CASK: variants seen among roughly 807,000 people sequenced by gnomAD.
The protein encoded by CASK is peripheral plasma membrane protein CASK.
CASK carries 4 observed loss-of-function variants against 82.9 expected under a neutral mutation model. The ratio of observed to expected loss-of-function variants is 0.05; its 90% CI spans 0.02 to 0.11. The LOEUF is 0.11. Ranked by LOEUF, CASK falls within the 10% of genes least tolerant of loss-of-function variation. The pLI is 1.00. For synonymous variants in CASK, 259 were observed against 253.5 expected (o/e 1.02, Z -0.20); for missense variants, 358 against 720.9 (o/e 0.50, Z 5.76).
intron 2 of CASK, among the ~76,000 whole-genome samples, chrX:41,849,225 G>A (rs2071213962): frequency 9.0e-6 from 1 of 111,653 alleles, no homozygotes; most frequent in African/African-American, 3.3e-5. Context: ...CAAGAACTCA[G>A]AACTTTGATA....
At chrX:41,580,719 C>G (rs2065562724) in intron 14 of CASK, among the ~76,000 whole-genome samples, 1 of 111,639 alleles carries the variant, frequency 9.0e-6, no homozygotes, top group South Asian at 3.7e-4. Flanking sequence ...TACAGACTAT[C>G]TTTTTAAAAG....
At chrX:41,529,428 GC>G in intron 25 of CASK, 1 of 176,752 alleles carries the variant, frequency 5.7e-6, no homozygotes, top group Non-Finnish European at 1.1e-5. Flanking sequence ...GGCGGCAGCA[GC>G]GGAGGCAGGT....
intron 5 of CASK, among the ~76,000 whole-genome samples, chrX:41,699,037 C>T (rs2067744646): frequency 1.8e-5 from 2 of 110,644 alleles, no homozygotes; most frequent in Non-Finnish European, 3.8e-5. Flanking sequence ...AGTGATTCTC[C>T]TGCTTCAGCC....
intron 1 of CASK, among the ~76,000 whole-genome samples, chrX:41,861,500 A>C (rs917286705): frequency 1.8e-5 from 2 of 110,738 alleles, no homozygotes; most frequent in Admixed American, 2.0e-4. Flanking sequence ...TTGGTTACAC[A>C]CTTTAGGCAA....
intron 5 of CASK, among the ~76,000 whole-genome samples, chrX:41,736,217 G>A (rs1472036489): frequency 1.8e-5 from 2 of 112,075 alleles, no homozygotes; most frequent in Non-Finnish European, 3.8e-5. Context: ...TATCAACACC[G>A]GGCGCGGTGG....
At chrX:41,874,011 G>T (rs372857465) in intron 1 of CASK, among the ~76,000 whole-genome samples, 3 of 109,888 alleles carry the variant, frequency 2.7e-5, no homozygotes, top group Admixed American at 1.9e-4. Flanking sequence ...GGCTGGTTTC[G>T]AACTCCTGAG....
intron 2 of CASK, among the ~76,000 whole-genome samples, chrX:41,846,886 G>T (rs960079959): frequency 1.8e-5 from 2 of 111,820 alleles, no homozygotes; most frequent in Admixed American, 1.9e-4. Flanking sequence ...GTATGGTTTT[G>T]CTGGATAAAG....
At position 41,769,159 on chromosome X, in the gene CASK, TA is replaced by T. The variant is rs1193838066; in HGVS notation, c.278+18018del. On this transcript the variant is annotated intron_variant, in intron 3 of 26. Transcript: ENST00000378163. ...CTCCCATTGAAGACAACTAAATAAG[TA>T]AAAAAAAAAAGTACTTTTTTCTTTT... 1.5e-3 allele frequency among the ~76,000 whole-genome samples: 156 copies of T among 101,149 alleles called. 2 individuals are homozygous for T. Among genetic ancestry groups the T allele is most frequent in the African/African-American group, 4.7e-3 (131 of 28,118 alleles). 87.8% of individuals were successfully genotyped at this position (101,149 alleles called of 115,157 possible). A position where few individuals can be genotyped will look rare whatever the true frequency, so the allele number is the denominator to read the frequency against.
chrX:41,701,302 G>A, intron 5 of CASK, among the ~76,000 whole-genome samples: 1 of 111,813 alleles, frequency 8.9e-6, no homozygotes, highest in African/African-American at 3.2e-5. Context: ...AATAACTATA[G>A]GGAAAAATTC....
At chrX:41,825,412 G>A (rs942739350) in intron 2 of CASK, among the ~76,000 whole-genome samples, 4 of 111,533 alleles carry the variant, frequency 3.6e-5, no homozygotes, top group Non-Finnish European at 7.5e-5. Context: ...TGATTGCCCC[G>A]AATCACAAAA....
At chrX:41,650,041 A>T (rs751444919) in intron 8 of CASK, among the ~76,000 whole-genome samples, 1 of 110,894 alleles carries the variant, frequency 9.0e-6, no homozygotes, top group Non-Finnish European at 1.9e-5. Context: ...TTGTTGGTTT[A>T]AAGTCTGTTT....
At chrX:41,565,673 A>G (rs934817018) in intron 16 of CASK, among the ~76,000 whole-genome samples, 30 of 111,965 alleles carry the variant, frequency 2.7e-4, no homozygotes, top group African/African-American at 9.8e-4. Flanking sequence ...AGGAGCTGGT[A>G]CCATTCCTTC....
At chrX:41,740,774 T>A (rs1227755300) in intron 4 of CASK, among the ~76,000 whole-genome samples, 1 of 112,859 alleles carries the variant, frequency 8.9e-6, no homozygotes, top group African/African-American at 3.2e-5. Context: ...CATGTAATCA[T>A]TAGCTCTGAT....
chrX:41,749,355 A>C (rs940950242), intron 3 of CASK, among the ~76,000 whole-genome samples: 1 of 107,368 alleles, frequency 9.3e-6, no homozygotes, highest in African/African-American at 3.4e-5. Context: ...TGGCAAAAAA[A>C]AATCTCATTA....
At chrX:41,892,162 C>T (rs2072181706) in intron 1 of CASK, among the ~76,000 whole-genome samples, 1 of 109,661 alleles carries the variant, frequency 9.1e-6, no homozygotes, top group African/African-American at 3.3e-5. Context: ...CACTGCACTC[C>T]AGCCTGGGTG....
intron 20 of CASK, among the ~76,000 whole-genome samples, chrX:41,554,390 T>G (rs981458542): frequency 4.5e-5 from 5 of 112,070 alleles, no homozygotes; most frequent in Non-Finnish European, 7.5e-5. Flanking sequence ...GTTGGTATCT[T>G]GCTGTAGAAT....
At chrX:41,815,891 GGCACTGTT>G (rs2070401810) in intron 2 of CASK, among the ~76,000 whole-genome samples, 2 of 111,550 alleles carry the variant, frequency 1.8e-5, no homozygotes, top group Admixed American at 1.9e-4. Flanking sequence ...GACAGGATCT[GGCACTGTT>G]GCCCAGTATG....
intron 25 of CASK, chrX:41,529,632 G>A (rs1602217279): frequency 8.8e-6 from 1 of 113,848 alleles, no homozygotes; most frequent in South Asian, 3.6e-4. Flanking sequence ...CCCCTGGCCA[G>A]AAGATTTTTC....
At chrX:41,589,902 C>G in intron 12 of CASK, 1 of 272,997 alleles carries the variant, frequency 3.7e-6, no homozygotes, top group Non-Finnish European at 6.6e-6. Context: ...CTGACAGAAG[C>G]AACTTTCAAT....
Sources: gnomAD v4.1 joint callset for allele counts (sites outside exome capture counted in the v4.1 genomes callset) on GRCh38, gnomAD v4.1.1 for gene constraint, MANE v1.5 for transcripts, NCBI Gene and HGNC (gene_info 2026-07-23, HGNC 2026-07-21) for gene names.